PDE9A: variants seen among roughly 807,000 people sequenced by gnomAD.
PDE9A encodes phosphodiesterase 9A.
A neutral mutation model predicts 87.4 loss-of-function variants in PDE9A; 60 were observed. The ratio of observed to expected loss-of-function variants is 0.69; its 90% CI spans 0.56 to 0.85. The LOEUF is 0.85. Ranked by LOEUF, PDE9A falls within the 40% of genes least tolerant of loss-of-function variation. PDE9A has a pLI of 0.00. For synonymous variants in PDE9A, 272 were observed against 279.4 expected (o/e 0.97, Z 0.27); for missense variants, 665 against 779.0 (o/e 0.85, Z 1.74).
At chr21:42,706,445 G>A (rs1406590425) in intron 4 of PDE9A, among the ~76,000 whole-genome samples, 2 of 152,166 alleles carry the variant, frequency 1.3e-5, no homozygotes, top group African/African-American at 2.4e-5. Context: ...AGGAGTTTGA[G>A]ACCAGACTGG....
chr21:42,753,871 AAAAAAAAG>A, intron 9 of PDE9A, 111 bp from the exon 10 acceptor site: 14 of 602,568 alleles, frequency 2.3e-5, no homozygotes, highest in South Asian at 8.5e-5. Flanking sequence ...CAAAAAAAAA[AAAAAAAAG>A]AAAGAAAGAA....
chr21:42,765,602 TGGAACAAGG>T, intron 15 of PDE9A, 108 bp downstream of exon 15: 1 of 722,178 alleles, frequency 1.4e-6, no homozygotes, highest in South Asian at 1.5e-5. Flanking sequence ...TTAGTCTTCT[TGGAACAAGG>T]TGTCTATAAA....
At chr21:42,725,225 CTT>C (rs2050913344) in intron 4 of PDE9A, among the ~76,000 whole-genome samples, 1 of 152,040 alleles carries the variant, frequency 6.6e-6, no homozygotes, top group Non-Finnish European at 1.5e-5. Context: ...AGGTCTCTCT[CTT>C]TTTTGTTTTT....
intron 4 of PDE9A, among the ~76,000 whole-genome samples, chr21:42,703,277 G>A (rs571094491): frequency 9.2e-5 from 14 of 152,370 alleles, no homozygotes; most frequent in African/African-American, 3.4e-4. Flanking sequence ...TCGGCTGTCG[G>A]CTCCCAATGG....
chr21:42,677,287 G>A (rs918853389), intron 1 of PDE9A, among the ~76,000 whole-genome samples: 2 of 152,192 alleles, frequency 1.3e-5, no homozygotes, highest in East Asian at 1.9e-4. Flanking sequence ...CGATGTAAGC[G>A]ATAACAGCAA....
At chr21:42,658,497 T>A (rs2057258466) in intron 1 of PDE9A, among the ~76,000 whole-genome samples, 5 of 152,226 alleles carry the variant, frequency 3.3e-5, no homozygotes, top group Non-Finnish European at 7.3e-5. Flanking sequence ...GGCTCCTGCG[T>A]GCCTTTCCCC....
In PDE9A at chr21:42,743,784, C is replaced by G. The variant is rs982358967; in HGVS notation, c.577C>G (p.Leu193Val). 1 of 1,587,480 alleles carries G rather than the reference C, an allele frequency of 6.3e-7. No individual in the cohort carries two copies. The highest frequency in any genetic ancestry group is 1.3e-5 in the African/African-American group (1 of 74,352). Residue 193 changes from leucine to valine, a missense_variant, in exon 8 of 20, where the codon CTA becomes GTA. Transcript: ENST00000291539. Reference protein sequence around the residue: ...VLEKRVELEGLKVVEIEKCKS... With the variant: ...VLEKRVELEGVKVVEIEKCKS... ...TCTCTCTCTGTCACCAGTGGAAGGA[C>G]TAAAAGTGGTGGAGATTGAGAAATG...
At chr21:42,744,336 C>G (rs1409697717) in intron 8 of PDE9A, among the ~76,000 whole-genome samples, 1 of 151,792 alleles carries the variant, frequency 6.6e-6, no homozygotes, top group African/African-American at 2.4e-5. Context: ...CTGGGCTCGA[C>G]AGAGCAAGAC....
intron 13 of PDE9A, among the ~76,000 whole-genome samples, chr21:42,761,465 G>A (rs1380486726): frequency 6.6e-6 from 1 of 152,214 alleles, no homozygotes; most frequent in Admixed American, 6.5e-5. Context: ...ACAGAGTTCC[G>A]CCCCATGTGG....
intron 1 of PDE9A, among the ~76,000 whole-genome samples, chr21:42,654,934 A>C (rs9981677): frequency 0.46 from 69,641 of 152,022 alleles, 18,512 homozygotes; most frequent in African/African-American, 0.75. Flanking sequence ...CCCCTTATTT[A>C]ATCAGTGCTG....
chr21:42,768,669 T>C, intron 16 of PDE9A: 2 of 985,242 alleles, frequency 2.0e-6, no homozygotes, highest in Non-Finnish European at 1.2e-6. Context: ...ACGGGGAAGG[T>C]CGGGGACATA....
At chr21:42,744,042 G>C (rs2053592013) in intron 8 of PDE9A, among the ~76,000 whole-genome samples, 182 bp downstream of exon 8, 1 of 152,196 alleles carries the variant, frequency 6.6e-6, no homozygotes, top group South Asian at 2.1e-4. Flanking sequence ...TCAGTGGTGT[G>C]ACTTTCTTCT....
chr21:42,736,054 C>T (rs979848658), intron 7 of PDE9A, among the ~76,000 whole-genome samples: 3 of 152,002 alleles, frequency 2.0e-5, no homozygotes, highest in Non-Finnish European at 2.9e-5. Context: ...GTGCAGATGC[C>T]CGCGGGCAGC....
chr21:42,667,964 C>T (rs1422455019), intron 1 of PDE9A, among the ~76,000 whole-genome samples: 1 of 136,368 alleles, frequency 7.3e-6, no homozygotes, highest in African/African-American at 3.2e-5. Flanking sequence ...ATGGGCGATG[C>T]CGGCTTACCA....
chr21:42,669,915 G>A (rs1033666390), intron 1 of PDE9A, among the ~76,000 whole-genome samples: 6 of 152,156 alleles, frequency 3.9e-5, no homozygotes, highest in Non-Finnish European at 8.8e-5. Context: ...GCCTTCTAGA[G>A]AGAGGCCAGC....
intron 10 of PDE9A, among the ~76,000 whole-genome samples, chr21:42,755,730 G>A (rs1293156847): frequency 2.0e-5 from 3 of 152,140 alleles, no homozygotes; most frequent in Admixed American, 6.5e-5. Context: ...AGTAGACACC[G>A]CAGACAGTTA....
At chr21:42,671,708 C>T (rs960784587) in intron 1 of PDE9A, among the ~76,000 whole-genome samples, 2 of 152,150 alleles carry the variant, frequency 1.3e-5, no homozygotes, top group African/African-American at 2.4e-5. Flanking sequence ...TCAGTGAACG[C>T]ATATTTATTT....
At chr21:42,769,587 TAC>T (rs1369059170) in intron 17 of PDE9A, among the ~76,000 whole-genome samples, 47 of 102,730 alleles carry the variant, frequency 4.6e-4, no homozygotes, top group African/African-American at 1.4e-3. Flanking sequence ...TGCACACAGG[TAC>T]ACACAGGCAC....
At chr21:42,742,744 C>G (rs1333549792) in intron 7 of PDE9A, among the ~76,000 whole-genome samples, 1 of 151,996 alleles carries the variant, frequency 6.6e-6, no homozygotes, top group Non-Finnish European at 1.5e-5. Context: ...GGATTACAGG[C>G]GTGAGCCACT....
Sources: allele counts gnomAD v4.1 joint callset (sites outside exome capture counted in the v4.1 genomes callset), GRCh38; gene constraint gnomAD v4.1.1; transcripts MANE v1.5; gene names NCBI Gene and HGNC (gene_info 2026-07-23, HGNC 2026-07-21).